BAZ2B: variants seen among roughly 807,000 people sequenced by gnomAD.
BAZ2B encodes bromodomain adjacent to zinc finger domain 2B.
BAZ2B carries 91 observed loss-of-function variants against 246.0 expected under a neutral mutation model. The observed-to-expected ratio is 0.37, with a 90% CI of 0.31 to 0.44. BAZ2B has a LOEUF of 0.44. Among genes scored for constraint, BAZ2B ranks in the 20% least tolerant of loss-of-function variants. The pLI, the probability that BAZ2B is intolerant of heterozygous loss-of-function variation, is 1.00. For missense variants in BAZ2B, 2,332 were observed against 2,533.7 expected, an observed-to-expected ratio of 0.92 and a Z score of 1.71; for synonymous variants, 855 against 860.0, an observed-to-expected ratio of 0.99 and a Z score of 0.10.
intron 34 of BAZ2B, among the ~76,000 whole-genome samples, chr2:159,331,666 C>G (rs142387978): frequency 8.5e-5 from 13 of 152,150 alleles, no homozygotes; most frequent in African/African-American, 3.1e-4. Context: ...TGTGAGCCAA[C>G]ATACCCAGGC....
At chr2:159,472,280 C>A (rs1247686324) in intron 3 of BAZ2B, among the ~76,000 whole-genome samples, 1 of 152,174 alleles carries the variant, frequency 6.6e-6, no homozygotes, top group Non-Finnish European at 1.5e-5. Flanking sequence ...TATAAAAATG[C>A]TTGTGATTTT....
chr2:159,684,802 T>A, the BAZ2B span, among the ~76,000 whole-genome samples: 2 of 152,248 alleles, frequency 1.3e-5, no homozygotes, highest in African/African-American at 4.8e-5. Flanking sequence ...ATTTATTTTC[T>A]ACAATGGCAT....
chr2:159,469,067 A>AG (rs1489985348), intron 3 of BAZ2B, among the ~76,000 whole-genome samples: 1 of 150,422 alleles, frequency 6.6e-6, no homozygotes. Context: ...AAAAAAAAAA[A>AG]GTAGGGAAAA....
chr2:159,370,933 G>C (rs947873037), intron 27 of BAZ2B, among the ~76,000 whole-genome samples: 1 of 151,964 alleles, frequency 6.6e-6, no homozygotes, highest in Non-Finnish European at 1.5e-5. Flanking sequence ...AGCCTCCTGA[G>C]TAGCTGGGAT....
intron 34 of BAZ2B, among the ~76,000 whole-genome samples, chr2:159,328,070 G>GAAAAAAAAAAAAAAA (rs1306873341): frequency 2.0e-5 from 1 of 49,530 alleles, no homozygotes; most frequent in African/African-American, 6.3e-5. Flanking sequence ...GCCTCAAAAC[G>GAAAAAAAAAAAAAAA]AAAAAAAAAA....
intron 21 of BAZ2B, among the ~76,000 whole-genome samples, 181 bp downstream of exon 21, chr2:159,389,164 G>T (rs2063023162): frequency 6.6e-6 from 1 of 151,944 alleles, no homozygotes; most frequent in Admixed American, 6.6e-5. Flanking sequence ...ACCAGCACAA[G>T]AGCTCCAGAG....
At chr2:159,465,717 C>T (rs1049877590) in intron 3 of BAZ2B, among the ~76,000 whole-genome samples, 1 of 151,932 alleles carries the variant, frequency 6.6e-6, no homozygotes, top group Non-Finnish European at 1.5e-5. Flanking sequence ...AGGTCAGGAG[C>T]TTGAGACCAA....
chr2:159,558,246 AATTT>A (rs1248262959), intron 1 of BAZ2B, among the ~76,000 whole-genome samples: 2 of 151,870 alleles, frequency 1.3e-5, no homozygotes, highest in African/African-American at 2.4e-5. Flanking sequence ...AGCAGGTAGA[AATTT>A]ATTTATTTAT....
chr2:159,658,618 A>C, the BAZ2B span, among the ~76,000 whole-genome samples: 1 of 152,140 alleles, frequency 6.6e-6, no homozygotes, highest in Non-Finnish European at 1.5e-5. Flanking sequence ...CCCAGGTTCA[A>C]GAGATTCTTG....
intron 22 of BAZ2B, 34 bp from the exon 23 acceptor site, chr2:159,385,403 C>G (rs1276311637): frequency 6.4e-7 from 1 of 1,550,966 alleles, no homozygotes; most frequent in African/African-American, 1.4e-5. Flanking sequence ...CAGTATTACT[C>G]ACAACCATTT....
At position 159,404,896 on chromosome 2, in the gene BAZ2B, C is replaced by T; in HGVS notation, c.2785G>A (p.Glu929Lys). 3 of 1,613,556 alleles carry T rather than the reference C, an allele frequency of 1.9e-6. No individual in the cohort carries two copies. Among genetic ancestry groups the T allele is most frequent in the South Asian group, 1.1e-5 (1 of 91,080 alleles). Reference protein sequence around the residue: ...AKKQQAIMAAEEKRKQKEQIK... With the variant: ...AKKQQAIMAAKEKRKQKEQIK... ...TGTTCTTTTTGCTTCCGCTTCTCCT[C>T]AGCAGCCATTATTGCTACAAGAAAC... The change falls in exon 16 of 37, where the codon GAG becomes AAG. Residue 929 changes from glutamate to lysine, a missense_variant. Coordinates refer to ENST00000392783, the MANE Select transcript of BAZ2B (RefSeq NM_013450.4).
At chr2:159,327,436 T>C (rs912082485) in intron 34 of BAZ2B, among the ~76,000 whole-genome samples, 1 of 152,214 alleles carries the variant, frequency 6.6e-6, no homozygotes, top group African/African-American at 2.4e-5. Context: ...ACTTTCACCA[T>C]ATGATATCAA....
At chr2:159,425,682 T>C (rs2069693107) in intron 13 of BAZ2B, among the ~76,000 whole-genome samples, 1 of 152,226 alleles carries the variant, frequency 6.6e-6, no homozygotes, top group South Asian at 2.1e-4. Context: ...TAAAAGCAGA[T>C]ATATTGTAAA....
rs1043301283 is a variant in BAZ2B at position 159,405,107 on chromosome 2, G to A, written c.2685C>T (p.Ala895=). The A allele has an allele frequency of 6.2e-7, 1 of 1,613,818 alleles. No individual in the cohort carries two copies. The highest frequency in any genetic ancestry group is 8.5e-7 in the Non-Finnish European group (1 of 1,179,952). Residue 895 remains alanine (A), a synonymous_variant, in exon 15 of 37, where the codon GCC becomes GCT. Coordinates refer to ENST00000392783, the MANE Select transcript of BAZ2B (RefSeq NM_013450.4). ...LLRKLQAQEI[A]RQAAQIKLLR... The stretch of plus-strand genomic sequence containing the variant: ...AAAGCTTTATTTGTGCTGCTTGCCT[G>A]GCTATTTCTGAAAAACACAAAATTT...
chr2:159,461,179 GT>G lies in BAZ2B; in HGVS notation c.146-7379del, dbSNP rs781008870. On this transcript the variant is annotated intron_variant, in intron 3 of 36. Transcript: ENST00000392783. Reference sequence around the variant, plus strand: ...GGAGATAGGCAGGAAGACATTACTTGTTTTTTTTTTAAACTGACCTTCCCTT... The same window carrying G: ...GGAGATAGGCAGGAAGACATTACTTGTTTTTTTTTAAACTGACCTTCCCTT... 5.6e-4 allele frequency: 84 copies of G among 148,976 alleles called. 1 individual carries two copies. The highest frequency in any genetic ancestry group is 1.0e-4 in the Non-Finnish European group (7 of 66,812). The allele number at this position is 148,976 out of a possible 1,614,324, so 9.2% of individuals were successfully genotyped here. A position where few individuals can be genotyped will look rare whatever the true frequency, so the allele number is the denominator to read the frequency against.
chr2:159,374,066 G>GTTTTTTTT (rs1408973462), intron 26 of BAZ2B, among the ~76,000 whole-genome samples: 1 of 125,226 alleles, frequency 8.0e-6, no homozygotes, highest in African/African-American at 3.0e-5. Flanking sequence ...GTTTTTCTTA[G>GTTTTTTTT]TTTTTTTTTC....
At chr2:159,457,910 G>A (rs998546377) in intron 3 of BAZ2B, among the ~76,000 whole-genome samples, 1 of 151,904 alleles carries the variant, frequency 6.6e-6, no homozygotes, top group Non-Finnish European at 1.5e-5. Flanking sequence ...CCTTCCACTT[G>A]GTCTGTAAAA....
At position 159,349,979 on chromosome 2, in the gene BAZ2B, G is replaced by A; in HGVS notation, c.4592C>T (p.Thr1531Ile). The A allele has an allele frequency of 1.2e-6, 2 of 1,614,194 alleles. No homozygotes were observed. Among genetic ancestry groups the A allele is most frequent in the Non-Finnish European group, 1.7e-6 (2 of 1,180,012 alleles). ...EKADSNNLFN[T>I]GSSGPGKFYS... ...GAACTTCCCTGGACCACTTGAACCAGTATTAAACAGATTATTAGAGTCTGC... is the reference window on the plus strand; with the variant it reads ...GAACTTCCCTGGACCACTTGAACCAATATTAAACAGATTATTAGAGTCTGC... The change falls in exon 28 of 37, where the codon ACT becomes ATT. Residue 1531 changes from threonine (T) to isoleucine (I), a missense_variant. Coordinates refer to ENST00000392783, the MANE Select transcript of BAZ2B (RefSeq NM_013450.4).
intron 33 of BAZ2B, among the ~76,000 whole-genome samples, chr2:159,336,188 A>G (rs953822427): frequency 1.3e-5 from 2 of 152,174 alleles, no homozygotes; most frequent in Non-Finnish European, 2.9e-5. Flanking sequence ...ATGTTAAAGT[A>G]ATTCATAAAA....
Sources: gnomAD v4.1 joint callset for allele counts (sites outside exome capture counted in the v4.1 genomes callset) on GRCh38, gnomAD v4.1.1 for gene constraint, MANE v1.5 for transcripts, NCBI Gene and HGNC (gene_info 2026-07-23, HGNC 2026-07-21) for gene names.